ABCC1: variants seen among roughly 807,000 people sequenced by gnomAD.
The protein encoded by ABCC1 is ATP binding cassette subfamily C member 1 (ABCC1 blood group).
Under a neutral mutation model 172.9 loss-of-function variants are expected in ABCC1, and 83 were observed. The ratio of observed to expected loss-of-function variants is 0.48; its 90% CI spans 0.40 to 0.58. ABCC1 has a LOEUF of 0.58. Ranked by LOEUF, ABCC1 falls within the 20% of genes least tolerant of loss-of-function variation. The probability of loss-of-function intolerance (pLI) is 0.00; values close to 1 mark genes in which losing one functional copy is unlikely to be tolerated. For missense variants in ABCC1, 1,817 were observed against 2,002.7 expected (o/e 0.91, Z 1.77); for synonymous variants, 937 against 825.2 (o/e 1.14, Z -2.32).
At chr16:16,139,314 T>A (rs113243162) in intron 30 of ABCC1, among the ~76,000 whole-genome samples, 3,439 of 151,742 alleles carry the variant, frequency 0.023, 128 homozygotes, top group African/African-American at 0.074. Flanking sequence ...TTATTTTTTT[T>A]AAAAAATCAG....
chr16:16,002,446 CAAG>C (rs1343310849), intron 1 of ABCC1, among the ~76,000 whole-genome samples: 1 of 152,092 alleles, frequency 6.6e-6, no homozygotes, highest in Non-Finnish European at 1.5e-5. Flanking sequence ...AAAGAAATAT[CAAG>C]AATAAAACAC....
chr16:16,106,127 T>C (rs992444458), intron 20 of ABCC1, among the ~76,000 whole-genome samples: 14 of 152,056 alleles, frequency 9.2e-5, no homozygotes, highest in Non-Finnish European at 1.5e-5. Context: ...TCCGCCCACC[T>C]CGGCCTCCCA....
At chr16:16,088,160 T>G (rs1419100029) in intron 18 of ABCC1, among the ~76,000 whole-genome samples, 1 of 151,936 alleles carries the variant, frequency 6.6e-6, no homozygotes, top group Non-Finnish European at 1.5e-5. Flanking sequence ...TGCATGTATA[T>G]AAAGTAAATA....
chr16:16,111,443 C>T lies in ABCC1; in HGVS notation c.2940C>T (p.Phe980=). ...IGLFISFLSI[F]LFMCNHVSAL... ...TCTTCATCTCCTTCCTCAGCATCTT[C>T]CTTTTCATGTGTAACCATGTGTCCG... is the stretch of plus-strand genomic sequence containing the variant. The change falls in exon 22 of 31, where the codon TTC becomes TTT. Residue 980 remains phenylalanine, a synonymous_variant. Coordinates refer to ENST00000399410, the MANE Select transcript of ABCC1 (RefSeq NM_004996.4). 6.2e-7 allele frequency: 1 copy of T among 1,614,180 alleles called. No homozygotes were observed. The highest frequency in any genetic ancestry group is 1.6e-4 in the Middle Eastern group (1 of 6,062).
chr16:16,058,807 T>C lies in ABCC1; in HGVS notation c.1677+2512T>C, dbSNP rs183575518. On this transcript the variant is annotated intron_variant, in intron 12 of 30. Coordinates refer to ENST00000399410, the MANE Select transcript of ABCC1 (RefSeq NM_004996.4). ...TGGGATTACAGGCATGCAGCAACCA[T>C]GCTCAGCTAATTTTTAAAATATCTT... 5.9e-5 allele frequency among the ~76,000 whole-genome samples: 9 copies of C among 152,254 alleles called. No individual in the cohort carries two copies. In the East Asian group the frequency reaches 1.5e-3, roughly 26 times the overall value.
intron 1 of ABCC1, among the ~76,000 whole-genome samples, chr16:15,999,212 A>G (rs1567297918): frequency 6.6e-6 from 1 of 151,654 alleles, no homozygotes; most frequent in Non-Finnish European, 1.5e-5. Flanking sequence ...TCACCGTGTT[A>G]GCCAGGATGG....
At chr16:16,133,306 G>C (rs1039489953) in intron 27 of ABCC1, among the ~76,000 whole-genome samples, 1 of 152,174 alleles carries the variant, frequency 6.6e-6, no homozygotes. Context: ...AGAACATTCT[G>C]TTCCCAGCAG....
intron 6 of ABCC1, 142 bp from the exon 7 acceptor site, chr16:16,036,330 G>C (rs2048754667): frequency 4.5e-6 from 3 of 668,364 alleles, no homozygotes; most frequent in Non-Finnish European, 7.3e-6. Flanking sequence ...TTCCCAAGCT[G>C]CATGGCTGCC....
rs2046151684 is a variant in ABCC1, at chr16:16,142,296, G to A, written c.*1015G>A. The A allele has an allele frequency of 6.6e-6, 1 of 152,222 alleles. No individual in the cohort carries two copies. Among genetic ancestry groups the A allele is most frequent in the Non-Finnish European group, 1.5e-5 (1 of 68,042 alleles). The allele number at this position is 152,222 out of a possible 1,614,324, so 9.4% of individuals were successfully genotyped here. On this transcript the variant is annotated 3_prime_UTR_variant, in exon 31 of 31. Transcript: ENST00000399410. ...AAATGTGTTAGGGGCCTGGCCCAAA[G>A]CAGTGTTGGTTGCTTACAGTGTTGA...
chr16:16,026,025 G>T (rs948880638), intron 5 of ABCC1, among the ~76,000 whole-genome samples: 3 of 152,130 alleles, frequency 2.0e-5, no homozygotes, highest in Non-Finnish European at 4.4e-5. Context: ...ATGCTCCCTG[G>T]ATTACAATCC....
chr16:16,078,370 T>C (rs2050669558), intron 15 of ABCC1, among the ~76,000 whole-genome samples: 2 of 152,128 alleles, frequency 1.3e-5, no homozygotes, highest in Admixed American at 6.5e-5. Flanking sequence ...GCTGAGCTTA[T>C]TTTATTTTGC....
chr16:16,082,713 A>G (rs150283631), intron 16 of ABCC1, among the ~76,000 whole-genome samples: 3 of 152,246 alleles, frequency 2.0e-5, no homozygotes, highest in Non-Finnish European at 4.4e-5. Flanking sequence ...GCACGGTGCA[A>G]TCTCAGCTCG....
At chr16:16,118,154 G>A (rs892459540) in intron 23 of ABCC1, among the ~76,000 whole-genome samples, 4 of 152,174 alleles carry the variant, frequency 2.6e-5, no homozygotes, top group African/African-American at 7.2e-5. Context: ...AGGATTAACC[G>A]CAGCACAATT....
chr16:16,110,355 A>G (rs1236941147), intron 21 of ABCC1, among the ~76,000 whole-genome samples: 1 of 151,756 alleles, frequency 6.6e-6, no homozygotes, highest in African/African-American at 2.4e-5. Context: ...AAGTGCTGGG[A>G]TTACAGGTGT....
chr16:15,993,615 A>C (rs2046951544), intron 1 of ABCC1, among the ~76,000 whole-genome samples: 2 of 152,070 alleles, frequency 1.3e-5, no homozygotes, highest in Admixed American at 1.3e-4. Flanking sequence ...GACAACCAAG[A>C]ATTATTTGGG....
chr16:15,951,246 G>C (rs1426081734), intron 1 of ABCC1, among the ~76,000 whole-genome samples: 2 of 152,010 alleles, frequency 1.3e-5, no homozygotes, highest in South Asian at 4.2e-4. Context: ...TTGAGGAGGG[G>C]GCAAAACAGG....
At chr16:16,022,720 T>A (rs1422682811) in intron 5 of ABCC1, among the ~76,000 whole-genome samples, 2 of 152,194 alleles carry the variant, frequency 1.3e-5, no homozygotes, top group African/African-American at 4.8e-5. Context: ...CCTGTCTGTA[T>A]AATATGTAAT....
chr16:15,992,324 C>A (rs2046895686), intron 1 of ABCC1, among the ~76,000 whole-genome samples: 1 of 152,082 alleles, frequency 6.6e-6, no homozygotes, highest in Non-Finnish European at 1.5e-5. Flanking sequence ...AAATGTAATG[C>A]ACTCGAATCA....
chr16:15,979,546 ATACCATATGATGCACCT>A (rs1567284015), intron 1 of ABCC1, among the ~76,000 whole-genome samples: 1 of 152,060 alleles, frequency 6.6e-6, no homozygotes, highest in East Asian at 1.9e-4. Flanking sequence ...TATAATTCAC[ATACCATATGATGCACCT>A]ATAAAGTGTG....
Sources: allele counts gnomAD v4.1 joint callset (sites outside exome capture counted in the v4.1 genomes callset), GRCh38; gene constraint gnomAD v4.1.1; transcripts MANE v1.5; gene names NCBI Gene and HGNC (gene_info 2026-07-23, HGNC 2026-07-21).